PIAS2: variants seen among roughly 807,000 people sequenced by gnomAD.
The protein encoded by PIAS2 is protein inhibitor of activated STAT 2.
PIAS2 carries 19 observed loss-of-function variants against 69.7 expected under a neutral mutation model. The ratio of observed to expected loss-of-function variants is 0.27; its 90% confidence interval spans 0.19 to 0.40. The LOEUF is 0.40. PIAS2 is among the 10% of genes least tolerant of loss of function. PIAS2 has a pLI of 1.00. For missense variants in PIAS2, 624 were observed against 757.0 expected (o/e 0.82, Z 2.06); for synonymous variants, 261 against 263.2 (o/e 0.99, Z 0.08).
At chr18:46,919,942 G>T, upstream of PIAS2, 1 of 593,378 alleles carries the variant, frequency 1.7e-6, no homozygotes, top group Non-Finnish European at 2.8e-6. Flanking sequence ...GAGTTTTCGG[G>T]GAATAGACGA....
chr18:46,913,051 C>G (rs1017963061), intron 1 of PIAS2, among the ~76,000 whole-genome samples: 4 of 152,112 alleles, frequency 2.6e-5, no homozygotes, highest in African/African-American at 2.4e-5. Context: ...TCAGGTGAAG[C>G]CTTGGAAATT....
intron 9 of PIAS2, among the ~76,000 whole-genome samples, chr18:46,831,534 A>G (rs993479591): frequency 6.6e-6 from 1 of 152,226 alleles, no homozygotes; most frequent in Non-Finnish European, 1.5e-5. Flanking sequence ...AATCTACAAT[A>G]GCCAAGATAA....
chr18:46,810,676 C>T lies in PIAS2; in HGVS notation c.*1757G>A, dbSNP rs2040939928. On this transcript the variant is annotated 3_prime_UTR_variant, in exon 14 of 14. Transcript: ENST00000585916. ...AGCCAAAGAAGGGATTTGTGGAAAA[C>T]CATATGAATTTAAATCAACATAAAA... is the stretch of plus-strand genomic sequence containing the variant. The T allele has an allele frequency of 6.6e-6, 1 of 150,636 alleles. No homozygotes were observed. Among genetic ancestry groups the T allele is most frequent in the Non-Finnish European group, 1.5e-5 (1 of 67,828 alleles). The allele number at this position is 150,636 out of a possible 1,614,324, so 9.3% of individuals were successfully genotyped here.
intron 2 of PIAS2, among the ~76,000 whole-genome samples, chr18:46,887,378 T>G (rs2053384824): frequency 6.6e-6 from 1 of 152,150 alleles, no homozygotes; most frequent in South Asian, 2.1e-4. Context: ...TACAATCCTG[T>G]AAGACAGGTA....
intron 1 of PIAS2, chr18:46,906,337 G>C (rs1364431930): frequency 7.3e-6 from 1 of 137,898 alleles, no homozygotes; most frequent in Non-Finnish European, 1.6e-5. Flanking sequence ...ATTAAGACAA[G>C]AAAAAGAAAG....
intron 2 of PIAS2, among the ~76,000 whole-genome samples, chr18:46,877,058 T>C (rs550314520): frequency 2.0e-5 from 3 of 152,186 alleles, no homozygotes; most frequent in African/African-American, 7.2e-5. Context: ...ATGTCCTCAA[T>C]CCTTACTTCT....
At chr18:46,890,203 C>G (rs1020659197) in intron 2 of PIAS2, among the ~76,000 whole-genome samples, 4 of 152,076 alleles carry the variant, frequency 2.6e-5, no homozygotes, top group Non-Finnish European at 4.4e-5. Context: ...GAGAGGAAGG[C>G]TATTGTTTAA....
At chr18:46,874,484 C>A (rs1355488607) in intron 2 of PIAS2, among the ~76,000 whole-genome samples, 1 of 152,132 alleles carries the variant, frequency 6.6e-6, no homozygotes, top group Non-Finnish European at 1.5e-5. Context: ...TACCATACCC[C>A]CTGGCACTCA....
At chr18:46,919,117 G>A (rs956407448), upstream of PIAS2, among the ~76,000 whole-genome samples, 6 of 151,624 alleles carry the variant, frequency 4.0e-5, no homozygotes, top group Non-Finnish European at 8.8e-5. Flanking sequence ...TTAGGAAGCC[G>A]AGGCAGGTGG....
At position 46,807,661 on chromosome 18, in the gene PIAS2, T is replaced by G. The variant is rs541399782; in HGVS notation, c.*4772A>C. The G allele has an allele frequency of 1.3e-5, 2 of 152,254 alleles. No homozygotes were observed. The highest frequency in any genetic ancestry group is 2.9e-5 in the Non-Finnish European group (2 of 68,088). 9.4% of individuals were successfully genotyped at this position (152,254 alleles called of 1,614,324 possible). A position where few individuals can be genotyped will look rare whatever the true frequency, so the allele number is the denominator to read the frequency against. ...ATCTGCCCGCCTTGGCCTCCCAAAG[T>G]GCTGGGATTACAGGCGTGAGCCTCC... is the stretch of plus-strand genomic sequence containing the variant. On this transcript the variant is annotated 3_prime_UTR_variant, in exon 14 of 14. Coordinates refer to ENST00000585916, the MANE Select transcript of PIAS2 (RefSeq NM_004671.5).
intron 5 of PIAS2, among the ~76,000 whole-genome samples, chr18:46,849,264 C>T (rs983324598): frequency 3.9e-5 from 6 of 152,094 alleles, no homozygotes; most frequent in East Asian, 1.9e-4. Flanking sequence ...TTCTGTATCC[C>T]ATTTGAGTAG....
chr18:46,865,168 T>C (rs1337586035), intron 2 of PIAS2, among the ~76,000 whole-genome samples: 1 of 152,136 alleles, frequency 6.6e-6, no homozygotes, highest in Non-Finnish European at 1.5e-5. Context: ...CTAGTGTCCA[T>C]TAAAACAAAC....
intron 12 of PIAS2, chr18:46,818,362 T>C (rs2041793266): frequency 6.5e-7 from 1 of 1,533,430 alleles, no homozygotes; most frequent in South Asian, 1.3e-5. Context: ...ACAAATTATT[T>C]GTTTTATTTT....
At chr18:46,862,795 T>C (rs907770286) in intron 3 of PIAS2, among the ~76,000 whole-genome samples, 1 of 152,026 alleles carries the variant, frequency 6.6e-6, no homozygotes, top group African/African-American at 2.4e-5. Context: ...AACCTCTGCC[T>C]CCTGGGTTAA....
intron 1 of PIAS2, among the ~76,000 whole-genome samples, chr18:46,902,385 C>T (rs1008643742): frequency 3.9e-5 from 6 of 151,916 alleles, no homozygotes; most frequent in African/African-American, 1.2e-4. Flanking sequence ...GGAGAAACCC[C>T]GTCTCTACTA....
intron 1 of PIAS2, chr18:46,916,852 A>G (rs2146386106): frequency 4.1e-6 from 4 of 985,532 alleles, no homozygotes; most frequent in Non-Finnish European, 4.8e-6. Context: ...AGCATCAGCC[A>G]TAAGAAGAGG....
chr18:46,866,121 G>T (rs774332474), intron 2 of PIAS2, among the ~76,000 whole-genome samples: 5 of 152,132 alleles, frequency 3.3e-5, no homozygotes, highest in Non-Finnish European at 5.9e-5. Context: ...ACTAAAAGAA[G>T]AGAGTGCAAA....
chr18:46,843,428 T>C (rs747935677), intron 8 of PIAS2, among the ~76,000 whole-genome samples: 28 of 152,212 alleles, frequency 1.8e-4, no homozygotes, highest in Non-Finnish European at 3.8e-4. Context: ...CCATCTCCTC[T>C]TGGTAGTAAA....
At chr18:46,888,038 G>A (rs774090520) in intron 2 of PIAS2, among the ~76,000 whole-genome samples, 5 of 151,908 alleles carry the variant, frequency 3.3e-5, no homozygotes, top group East Asian at 1.9e-4. Flanking sequence ...AAGTCAACAC[G>A]CAAAAATCAA....
Sources: allele counts gnomAD v4.1 joint callset (sites outside exome capture counted in the v4.1 genomes callset), GRCh38; gene constraint gnomAD v4.1.1; transcripts MANE v1.5; gene names NCBI Gene and HGNC (gene_info 2026-07-23, HGNC 2026-07-21).